The following GSDMD variants were observed in gnomAD, a reference collection of about 807,000 sequenced individuals.
GSDMD encodes the protein gasdermin D.
Under a neutral mutation model 46.7 loss-of-function variants are expected in GSDMD, and 46 were observed. The observed-to-expected ratio is 0.99, with a 90% CI of 0.78 to 1.26. The LOEUF is 1.26. Among genes scored for constraint, GSDMD ranks in the 50% most tolerant of loss-of-function variants. The pLI, the probability that GSDMD is intolerant of heterozygous loss-of-function variation, is 0.00. For missense variants in GSDMD, 649 were observed against 638.8 expected (o/e 1.02, Z -0.17); for synonymous variants, 307 against 283.1 (o/e 1.08, Z -0.85).
At position 143,561,750 on chromosome 8, in the gene GSDMD, C is replaced by T. The variant is rs1425107621; in HGVS notation, c.745C>T (p.Arg249Cys). 1.9e-6 allele frequency: 3 copies of T among 1,607,066 alleles called. No individual in the cohort carries two copies. The highest frequency in any genetic ancestry group is 1.1e-5 in the South Asian group (1 of 90,178). ...CCCATGCCCCTGCCCAGGCCACAAGCGTTCCACGAGCGAAGGCGCCTGGCC... is the reference window on the plus strand; with the variant it reads ...CCCATGCCCCTGCCCAGGCCACAAGTGTTCCACGAGCGAAGGCGCCTGGCC... The part of the protein sequence containing the change: ...TFQPPATGHK[R>C]STSEGAWPQL... The change falls in exon 7 of 11, where the codon CGT (arginine) becomes TGT (cysteine). Residue 249 changes from arginine to cysteine, a missense_variant. Transcript: ENST00000262580.
Position 143,561,420 on chromosome 8 carries a change from A to G in GSDMD, c.733A>G (p.Thr245Ala), listed in dbSNP as rs939034007. 6.2e-7 allele frequency: 1 copy of G among 1,611,322 alleles called. No homozygotes were observed. Among genetic ancestry groups the G allele is most frequent in the East Asian group, 2.2e-5 (1 of 44,866 alleles). Residue 245 changes from threonine to alanine, a missense_variant, in exon 6 of 11, where the codon ACA (threonine) becomes GCA (alanine). Transcript: ENST00000262580. ...KKQRTFQPPA[T>A]GHKRSTSEGA... The stretch of plus-strand genomic sequence containing the variant: ...GCAGAGGACCTTCCAGCCACCCGCG[A>G]CAGGTGAGAGCCGAGAGCCCCCAGC...
At chr8:143,559,665 C>T in intron 2 of GSDMD, 112 bp from the exon 3 acceptor site, 1 of 1,429,854 alleles carries the variant, frequency 7.0e-7, no homozygotes, top group Non-Finnish European at 9.5e-7. Context: ...GCCTCTCTTC[C>T]AGAGGCCGGG....
rs753897650 is a variant in GSDMD at position 143,559,321 on chromosome 8, C to T, written c.-4-11C>T. On this transcript the variant is annotated splice_polypyrimidine_tract_variant and intron_variant, in intron 1 of 10. Coordinates refer to ENST00000262580, the MANE Select transcript of GSDMD (RefSeq NM_024736.7). ...CGAGAGCACAATGCCTGACCCATTT[C>T]CCCTCCTCAGGAGCATGGGGTCGGC... 6.0e-6 allele frequency: 6 copies of T among 992,256 alleles called. No individual in the cohort carries two copies. The highest frequency in any genetic ancestry group is 3.5e-5 in the African/African-American group (2 of 56,556). The allele number at this position is 992,256 out of a possible 1,614,324, so 61.5% of individuals were successfully genotyped here.
chr8:143,562,778 CGAGTGT>C lies in GSDMD; in HGVS notation c.1331_1336del (p.Glu444_Cys445del). 6.3e-7 allele frequency: 1 copy of C among 1,592,774 alleles called. No homozygotes were observed. Among genetic ancestry groups the C allele is most frequent in the Non-Finnish European group, 8.5e-7 (1 of 1,170,076 alleles). ...GAGCACCGGCCTGGGTCTTGCTGGA[CGAGTGT>C]GGCCTAGAGCTGGGGGAGGACACTC... is the stretch of plus-strand genomic sequence containing the variant. On this transcript the variant is annotated inframe_deletion, in exon 11 of 11. Transcript: ENST00000262580.
chr8:143,557,635 C>T (rs559368705), upstream of GSDMD, among the ~76,000 whole-genome samples: 1 of 152,232 alleles, frequency 6.6e-6, no homozygotes, highest in Non-Finnish European at 1.5e-5. Context: ...CAGGCTTATT[C>T]CAGAGGGCCG....
In GSDMD at chr8:143,560,754, G is replaced by A. The variant is rs750126828; in HGVS notation, c.562G>A (p.Gly188Arg). The change falls in exon 4 of 11, where the codon GGA (glycine) becomes AGA (arginine). Residue 188 changes from glycine (G) to arginine (R), a missense_variant. Coordinates refer to ENST00000262580, the MANE Select transcript of GSDMD (RefSeq NM_024736.7). ...REGSGRFSLP[G>R]ATCLQGEGQG... ...GGGCTCGGGCCGGTTTTCCCTGCCC[G>A]GAGCCACGTGCTTGCAGGTGTGTAG... 59 of 1,550,418 alleles carry A rather than the reference G, an allele frequency of 3.8e-5. No individual in the cohort carries two copies. The highest frequency in any genetic ancestry group is 2.3e-4 in the South Asian group (19 of 84,008).
rs753861745 is a variant in GSDMD, at chr8:143,560,669, G to A, written c.477G>A (p.Val159=). The A allele has an allele frequency of 1.9e-6, 3 of 1,588,464 alleles. No homozygotes were observed. Among genetic ancestry groups the A allele is most frequent in the Non-Finnish European group, 2.6e-6 (3 of 1,167,782 alleles). Residue 159 remains valine (V), a synonymous_variant, in exon 4 of 11, where the codon GTG becomes GTA. Transcript: ENST00000262580. The stretch of plus-strand genomic sequence containing the variant: ...GCAGCCGCGGGGACAACGTGTACGT[G>A]GTGACTGAGGTGCTGCAGACACAGA... ...QLRSRGDNVY[V]VTEVLQTQKE... is the part of the protein sequence containing the mutation.
At chr8:143,554,400 G>A (rs1450915452), upstream of GSDMD, among the ~76,000 whole-genome samples, 3 of 146,478 alleles carry the variant, frequency 2.0e-5, no homozygotes, top group East Asian at 4.2e-4. Context: ...GCGCACAAAC[G>A]CGCACACGTA....
chr8:143,561,993 C>T lies in GSDMD; in HGVS notation c.858C>T (p.Asp286=). ...GVPAEGAFTE[D]FQGLRAEVET... ...CTGCGGAGGGGGCGTTCACTGAAGA[C>T]TTCCAGGGCCTACGGGCAGAGGTGG... The change falls in exon 8 of 11, where the codon GAC becomes GAT. Residue 286 remains aspartate (D), a synonymous_variant. Coordinates refer to ENST00000262580, the MANE Select transcript of GSDMD (RefSeq NM_024736.7). 6.2e-7 allele frequency: 1 copy of T among 1,607,366 alleles called. No homozygotes were observed. Among genetic ancestry groups the T allele is most frequent in the Non-Finnish European group, 8.5e-7 (1 of 1,178,772 alleles).
chr8:143,557,421 C>T (rs957875037), upstream of GSDMD, among the ~76,000 whole-genome samples: 6,085 of 122,998 alleles, frequency 0.049, 177 homozygotes, highest in Middle Eastern at 0.082. Context: ...GCCGCTGTGG[C>T]GAAGGATGCT....
intron 1 of GSDMD, chr8:143,559,021 T>A: frequency 2.3e-6 from 1 of 443,794 alleles, no homozygotes. Context: ...GCTTGTTTCC[T>A]CCCAGCCAGA....
chr8:143,554,763 C>T (rs1823272215), upstream of GSDMD, among the ~76,000 whole-genome samples: 1 of 146,506 alleles, frequency 6.8e-6, no homozygotes, highest in African/African-American at 2.5e-5. Context: ...CACACGCGCA[C>T]AACAGCCACA....
Position 143,562,929 on chromosome 8 carries a change from G to A in GSDMD, c.*25G>A. On this transcript the variant is annotated 3_prime_UTR_variant, in exon 11 of 11. Coordinates refer to ENST00000262580, the MANE Select transcript of GSDMD (RefSeq NM_024736.7). ...GCCTGTGCCCGGGCATGGCCTGGCA[G>A]CTCTCCAGCAGGGCAGAGTGTTTGC... 6.2e-7 allele frequency: 1 copy of A among 1,611,068 alleles called. No homozygotes were observed.
At chr8:143,559,254 C>A in intron 1 of GSDMD, 78 bp from the exon 2 acceptor site, 1 of 876,298 alleles carries the variant, frequency 1.1e-6, no homozygotes, top group Non-Finnish European at 1.8e-6. Flanking sequence ...TCATGGGAGA[C>A]ATCCAAGTAC....
upstream of GSDMD, chr8:143,558,252 G>C (rs1823354943): frequency 7.1e-7 from 1 of 1,407,284 alleles, no homozygotes; most frequent in African/African-American, 1.5e-5. Flanking sequence ...GGTGCTCCAG[G>C]CGGGCTGGCG....
Position 143,561,074 on chromosome 8 carries a change from G to T in GSDMD, c.652G>T (p.Val218Leu), listed in dbSNP as rs780298037. 6.2e-7 allele frequency: 1 copy of T among 1,613,232 alleles called. No homozygotes were observed. The highest frequency in any genetic ancestry group is 2.2e-5 in the East Asian group (1 of 44,874). The change falls in exon 5 of 11, where the codon GTG becomes TTG. Residue 218 changes from valine (V) to leucine (L), a missense_variant. Physicochemically the swap from Val to Leu is conservative, Grantham distance 32. Coordinates refer to ENST00000262580, the MANE Select transcript of GSDMD (RefSeq NM_024736.7). The part of the protein sequence containing the change: ...IPSGSTLAFR[V>L]AQLVIDSDLD... ...CTCAGGCAGCACCCTCGCATTCCGG[G>T]TGGCCCAGCTGGTTATTGACTCTGA... is the stretch of plus-strand genomic sequence containing the variant.
At position 143,560,646 on chromosome 8, in the gene GSDMD, A is replaced by G; in HGVS notation, c.454A>G (p.Ser152Gly). The G allele has an allele frequency of 1.3e-6, 2 of 1,590,296 alleles. No homozygotes were observed. The highest frequency in any genetic ancestry group is 1.7e-6 in the Non-Finnish European group (2 of 1,168,850). Residue 152 changes from serine to glycine, a missense_variant, in exon 4 of 11, where the codon AGC (serine) becomes GGC (glycine). Ser to Gly is a moderately conservative substitution (Grantham distance 56). Transcript: ENST00000262580. ...PEHKVLQQLR[S>G]RGDNVYVVTE... ...ACACAAAGTCCTGCAGCAGCTGCGC[A>G]GCCGCGGGGACAACGTGTACGTGGT...
In GSDMD at chr8:143,561,905, GC is replaced by G. The variant is rs1417082989; in HGVS notation, c.824-53del. ...CTGGGGTCTGCCTGTCCTGACCGAG[GC>G]TTTCCAGGGCCCTGTAAGCACCTGG... On this transcript the variant is annotated intron_variant, in intron 7 of 10. Coordinates refer to ENST00000262580, the MANE Select transcript of GSDMD (RefSeq NM_024736.7). 9 of 1,607,244 alleles carry G rather than the reference GC, an allele frequency of 5.6e-6. No individual in the cohort carries two copies. In the East Asian group the frequency reaches 2.0e-4, roughly 36 times the overall value.
At position 143,562,656 on chromosome 8, in the gene GSDMD, T is replaced by G; in HGVS notation, c.1213-6T>G. ...CATCTGACTCACTCCTGCCCTGTCT[T>G]GGCAGGTGGGCAGCCTCTTGGAGCA... is the stretch of plus-strand genomic sequence containing the variant. On this transcript the variant is annotated splice_region_variant and splice_polypyrimidine_tract_variant and intron_variant, in intron 10 of 10. Coordinates refer to ENST00000262580, the MANE Select transcript of GSDMD (RefSeq NM_024736.7). The G allele has an allele frequency of 6.2e-7, 1 of 1,606,706 alleles. No homozygotes were observed.
Sources: gnomAD v4.1 joint callset for allele counts (sites outside exome capture counted in the v4.1 genomes callset) on GRCh38, gnomAD v4.1.1 for gene constraint, MANE v1.5 for transcripts, NCBI Gene and HGNC (gene_info 2026-07-23, HGNC 2026-07-21) for gene names.